The following PLXNA4 variants were observed in gnomAD, a reference collection of about 807,000 sequenced individuals.
The protein encoded by PLXNA4 is plexin A4.
In PLXNA4, 44 loss-of-function variants were observed where a neutral mutation model predicts 191.8. The ratio of observed to expected loss-of-function variants is 0.23; its 90% confidence interval spans 0.18 to 0.29. The LOEUF (loss-of-function observed/expected upper bound fraction) is 0.29. Among genes scored for constraint, PLXNA4 ranks in the 10% least tolerant of loss-of-function variants. PLXNA4 has a pLI of 1.00. For missense variants in PLXNA4, 1,800 were observed against 2,488.8 expected, an observed-to-expected ratio of 0.72 and a Z score of 5.89; for synonymous variants, 1,082 against 1,009.5, an observed-to-expected ratio of 1.07 and a Z score of -1.36.
At chr7:132,359,194 A>G (rs1803829699) in intron 3 of PLXNA4, among the ~76,000 whole-genome samples, 1 of 150,262 alleles carries the variant, frequency 6.7e-6, no homozygotes, top group Non-Finnish European at 1.5e-5. Flanking sequence ...TTTCAGAAGG[A>G]AAAAGTCAAG....
chr7:132,480,155 G>A (rs752907592), intron 3 of PLXNA4, among the ~76,000 whole-genome samples: 2 of 152,192 alleles, frequency 1.3e-5, no homozygotes, highest in Non-Finnish European at 2.9e-5. Flanking sequence ...GATAACATTT[G>A]TGAGCACACC....
At chr7:132,430,533 G>A (rs1242297576) in intron 3 of PLXNA4, among the ~76,000 whole-genome samples, 1 of 152,182 alleles carries the variant, frequency 6.6e-6, no homozygotes, top group Non-Finnish European at 1.5e-5. Context: ...AGTCGGATTA[G>A]GGTATGCACA....
intron 1 of PLXNA4, among the ~76,000 whole-genome samples, chr7:132,565,505 C>T (rs373258915): frequency 5.3e-5 from 8 of 152,150 alleles, no homozygotes; most frequent in African/African-American, 9.7e-5. Flanking sequence ...CACTGCAACA[C>T]GACAGTCTTG....
In PLXNA4 at chr7:132,587,714, G is replaced by A. The variant is rs111232424; in HGVS notation, c.-87+58214C>T. ...GTCAAGGATGAAGCCAGAAACATAAGGCCAAGGGTGGGACGAAGGGAAGAG... is the reference window on the plus strand; with the variant it reads ...GTCAAGGATGAAGCCAGAAACATAAAGCCAAGGGTGGGACGAAGGGAAGAG... On this transcript the variant is annotated intron_variant, in intron 2 of 4. Coordinates refer to the PLXNA4 transcript ENST00000378539. Among the ~76,000 whole-genome samples, 199 of 152,046 alleles carry A rather than the reference G, an allele frequency of 1.3e-3. 1 individual carries two copies. The highest frequency in any genetic ancestry group is 4.7e-3 in the African/African-American group (197 of 41,486).
rs567098139 is a variant in PLXNA4, at chr7:132,285,802, T to C, written c.1503+12289A>G. Among the ~76,000 whole-genome samples, 13 of 152,332 alleles carry C rather than the reference T, an allele frequency of 8.5e-5. 1 individual carries two copies. In the South Asian group the frequency reaches 2.7e-3, roughly 32 times the overall value. ...TCAAGAGCAAGTCAATCAGTGCTCA[T>C]GGAATTTAACTATTTCCATTAGGAT... On this transcript the variant is annotated intron_variant, in intron 4 of 31. Transcript: ENST00000321063.
chr7:132,374,768 CA>C (rs1260145084), intron 3 of PLXNA4, among the ~76,000 whole-genome samples: 1 of 152,128 alleles, frequency 6.6e-6, no homozygotes. Flanking sequence ...GCACTTGCAC[CA>C]ACAGAGAGCA....
At chr7:132,279,807 A>G (rs973348066) in intron 4 of PLXNA4, among the ~76,000 whole-genome samples, 1 of 152,202 alleles carries the variant, frequency 6.6e-6, no homozygotes, top group African/African-American at 2.4e-5. Flanking sequence ...AGATAGAGAA[A>G]TCACTTTAAA....
At chr7:132,515,093 A>G (rs1159207725) in intron 1 of PLXNA4, among the ~76,000 whole-genome samples, 1 of 149,692 alleles carries the variant, frequency 6.7e-6, no homozygotes, top group Non-Finnish European at 1.5e-5. Context: ...CAGGTCTCCG[A>G]CAAGCAACAG....
At chr7:132,307,257 C>T (rs1801560154) in intron 3 of PLXNA4, among the ~76,000 whole-genome samples, 1 of 152,134 alleles carries the variant, frequency 6.6e-6, no homozygotes, top group Non-Finnish European at 1.5e-5. Context: ...CCTGCCTCTC[C>T]CCTGGATTTC....
rs538667756 is a variant in PLXNA4, at chr7:132,438,175, G to A, written c.1371+51117C>T. ...TGCCAAAAGCATATTTATAAATTGG[G>A]TTAAAGGTTGGTTAGGACCACAGAT... On this transcript the variant is annotated intron_variant, in intron 3 of 31. Coordinates refer to ENST00000321063, the MANE Select transcript of PLXNA4 (RefSeq NM_020911.2). Among the ~76,000 whole-genome samples the A allele has an allele frequency of 2.6e-5, 4 of 152,298 alleles. No homozygotes were observed. The East Asian group carries it at 7.7e-4, about 29-fold the overall frequency.
rs779684650 is a variant in PLXNA4 at position 132,140,674 on chromosome 7, C to T, written c.5363G>A (p.Arg1788Gln). 8.7e-6 allele frequency: 14 copies of T among 1,613,968 alleles called. No homozygotes were observed. The highest frequency in any genetic ancestry group is 2.2e-5 in the East Asian group (1 of 44,884). Residue 1788 changes from arginine (R) to glutamine (Q), a missense_variant, in exon 30 of 32, where the codon CGG becomes CAG. Arg to Gln is a conservative substitution (Grantham distance 43). Coordinates refer to ENST00000321063, the MANE Select transcript of PLXNA4 (RefSeq NM_020911.2). The stretch of plus-strand genomic sequence containing the variant: ...GTTGGAGGGCGAGTCCTTGCCCAGC[C>T]GGTGCTCTGACGTGGAGCAAGAGTC... ...FMDSCSTSEH[R>Q]LGKDSPSNKL...
intron 2 of PLXNA4, among the ~76,000 whole-genome samples, chr7:132,501,397 C>A (rs980618799): frequency 7.2e-5 from 11 of 152,170 alleles, no homozygotes; most frequent in Non-Finnish European, 1.6e-4. Flanking sequence ...GAGCACACAT[C>A]CTCAAACCTG....
At chr7:132,636,120 A>G (rs796726731) in intron 2 of PLXNA4, among the ~76,000 whole-genome samples, 1 of 152,196 alleles carries the variant, frequency 6.6e-6, no homozygotes, top group African/African-American at 2.4e-5. Context: ...AACAATGGAA[A>G]ATGAGTGCAA....
intron 1 of PLXNA4, among the ~76,000 whole-genome samples, chr7:132,541,094 G>T (rs1800060078): frequency 6.6e-6 from 1 of 152,116 alleles, no homozygotes; most frequent in Non-Finnish European, 1.5e-5. Context: ...AGAGCCAGAG[G>T]GGAGAAAAGT....
At chr7:132,201,643 C>A (rs1797437737) in intron 12 of PLXNA4, among the ~76,000 whole-genome samples, 1 of 152,166 alleles carries the variant, frequency 6.6e-6, no homozygotes, top group African/African-American at 2.4e-5. Flanking sequence ...GAGCTGGAGG[C>A]ACAGATGCCA....
chr7:132,480,876 G>C (rs1198296536), intron 3 of PLXNA4, among the ~76,000 whole-genome samples: 1 of 152,180 alleles, frequency 6.6e-6, no homozygotes, highest in African/African-American at 2.4e-5. Flanking sequence ...TTCTAAGGTG[G>C]GAGCCTCTTC....
At chr7:132,380,152 C>A (rs571040313) in intron 3 of PLXNA4, among the ~76,000 whole-genome samples, 2 of 152,138 alleles carry the variant, frequency 1.3e-5, no homozygotes, top group Admixed American at 6.5e-5. Context: ...TTGGGGCTTC[C>A]GGGAACTACA....
intron 3 of PLXNA4, among the ~76,000 whole-genome samples, chr7:132,381,226 A>G (rs11975604): frequency 0.011 from 1,721 of 152,312 alleles, 29 homozygotes; most frequent in African/African-American, 0.038. Flanking sequence ...GATTCCTGCA[A>G]GGTCTCACAG....
At chr7:132,462,775 G>T (rs1275111046) in intron 3 of PLXNA4, among the ~76,000 whole-genome samples, 1 of 148,656 alleles carries the variant, frequency 6.7e-6, no homozygotes, top group Admixed American at 6.7e-5. Context: ...AGAATTTCAG[G>T]TTATTTTTTT....
Sources: allele counts gnomAD v4.1 joint callset (sites outside exome capture counted in the v4.1 genomes callset), GRCh38; gene constraint gnomAD v4.1.1; transcripts MANE v1.5; gene names NCBI Gene and HGNC (gene_info 2026-07-23, HGNC 2026-07-21).